The following NRG3 variants were observed in gnomAD, a reference collection of about 807,000 sequenced individuals.
NRG3 encodes neuregulin 3, also known as pro-neuregulin-3, membrane-bound isoform.
A neutral mutation model predicts 66.9 loss-of-function variants in NRG3; 31 were observed. The observed-to-expected ratio is 0.46, with a 90% CI of 0.35 to 0.63. The LOEUF (loss-of-function observed/expected upper bound fraction) is 0.63. Among genes scored for constraint, NRG3 ranks in the 20% least tolerant of loss-of-function variants. NRG3 has a pLI of 0.00. For missense variants in NRG3, 910 were observed against 878.9 expected (o/e 1.04, Z -0.45); for synonymous variants, 393 against 359.4 (o/e 1.09, Z -1.06).
intron 1 of NRG3, among the ~76,000 whole-genome samples, chr10:82,032,104 TG>T (rs1443032716): frequency 6.8e-6 from 1 of 146,100 alleles, no homozygotes; most frequent in Non-Finnish European, 1.5e-5. Flanking sequence ...ACTTTTATCT[TG>T]TTTGATTCTT....
intron 2 of NRG3, among the ~76,000 whole-genome samples, chr10:82,376,173 GC>G (rs1285509833): frequency 6.6e-6 from 1 of 152,128 alleles, no homozygotes; most frequent in Non-Finnish European, 1.5e-5. Context: ...CGTGCGTCTG[GC>G]CTTATCTAGC....
intron 4 of NRG3, among the ~76,000 whole-genome samples, chr10:82,913,545 A>G (rs150602597): frequency 1.3e-5 from 2 of 152,274 alleles, no homozygotes; most frequent in Admixed American, 1.3e-4. Flanking sequence ...TTACTTTTGT[A>G]GATTAAATTT....
rs573905729 is a variant in NRG3 at position 82,149,045 on chromosome 10, C to G, written c.824-209694C>G. 1.5e-4 allele frequency among the ~76,000 whole-genome samples: 18 copies of G among 118,952 alleles called. No individual in the cohort carries two copies. In the South Asian group the frequency reaches 5.5e-3, roughly 36 times the overall value. 78.0% of individuals were successfully genotyped at this position (118,952 alleles called of 152,430 possible). ...AGACCTCACCCAAACAATTCACATT[C>G]CTGTTTTTTTGTTTTTGTTTTTGTT... On this transcript the variant is annotated intron_variant, in intron 1 of 8. Coordinates refer to ENST00000372141, the MANE Select transcript of NRG3 (RefSeq NM_001010848.4).
At chr10:81,927,111 G>A (rs1846879795) in intron 1 of NRG3, among the ~76,000 whole-genome samples, 1 of 152,152 alleles carries the variant, frequency 6.6e-6, no homozygotes, top group Non-Finnish European at 1.5e-5. Flanking sequence ...GAATTTTTGG[G>A]TCAATGGCAA....
At chr10:82,352,069 C>A (rs1377158745) in intron 1 of NRG3, among the ~76,000 whole-genome samples, 1 of 152,180 alleles carries the variant, frequency 6.6e-6, no homozygotes, top group Non-Finnish European at 1.5e-5. Flanking sequence ...AAAATCTCAT[C>A]TACAATAGTT....
intron 2 of NRG3, among the ~76,000 whole-genome samples, chr10:82,588,714 G>A (rs1478120626): frequency 6.6e-6 from 1 of 152,044 alleles, no homozygotes; most frequent in Non-Finnish European, 1.5e-5. Flanking sequence ...TGTTAGCCAG[G>A]ATGGTCTTGA....
chr10:82,860,232 C>G (rs951381887), intron 3 of NRG3, among the ~76,000 whole-genome samples: 2 of 152,158 alleles, frequency 1.3e-5, no homozygotes. Context: ...CCTTTGTCTG[C>G]CCCGCTACCT....
intron 5 of NRG3, among the ~76,000 whole-genome samples, chr10:82,954,209 C>G (rs1202281534): frequency 6.6e-6 from 1 of 151,838 alleles, no homozygotes; most frequent in African/African-American, 2.4e-5. Flanking sequence ...TAACAATAAC[C>G]AAATTACAAT....
At chr10:82,379,491 A>G (rs1454120505) in intron 2 of NRG3, among the ~76,000 whole-genome samples, 1 of 152,186 alleles carries the variant, frequency 6.6e-6, no homozygotes, top group Non-Finnish European at 1.5e-5. Flanking sequence ...GATAATCCAC[A>G]GTAAAATGGG....
chr10:82,372,878 G>A (rs528112034), intron 2 of NRG3, among the ~76,000 whole-genome samples: 31 of 152,306 alleles, frequency 2.0e-4, no homozygotes, highest in Non-Finnish European at 3.7e-4. Flanking sequence ...ACGGGCATGC[G>A]CCACCACACC....
chr10:81,980,251 A>C (rs2060284418), intron 1 of NRG3, among the ~76,000 whole-genome samples: 1 of 151,970 alleles, frequency 6.6e-6, no homozygotes, highest in African/African-American at 2.4e-5. Context: ...GTGGACTGGA[A>C]TTGGAACACT....
At chr10:82,337,903 T>C (rs1435185271) in intron 1 of NRG3, among the ~76,000 whole-genome samples, 1 of 152,210 alleles carries the variant, frequency 6.6e-6, no homozygotes, top group Admixed American at 6.5e-5. Context: ...ATTTTAATCA[T>C]ATTACATAAA....
intron 2 of NRG3, among the ~76,000 whole-genome samples, chr10:82,724,425 C>G (rs953106086): frequency 6.6e-6 from 1 of 152,154 alleles, no homozygotes; most frequent in Non-Finnish European, 1.5e-5. Context: ...CTGATCAAAG[C>G]TGCCCACTTC....
At chr10:81,919,617 T>C (rs1253649897) in intron 1 of NRG3, among the ~76,000 whole-genome samples, 1 of 152,158 alleles carries the variant, frequency 6.6e-6, no homozygotes, top group Non-Finnish European at 1.5e-5. Context: ...GGAATTCTTA[T>C]TAAGTATCAA....
At chr10:81,919,255 A>C (rs1018253416) in intron 1 of NRG3, among the ~76,000 whole-genome samples, 5 of 152,190 alleles carry the variant, frequency 3.3e-5, no homozygotes, top group African/African-American at 9.7e-5. Context: ...TTAGGATAGG[A>C]TATAAGAATA....
At chr10:81,914,115 C>G (rs553257914) in intron 1 of NRG3, among the ~76,000 whole-genome samples, 1 of 151,954 alleles carries the variant, frequency 6.6e-6, no homozygotes, top group Non-Finnish European at 1.5e-5. Flanking sequence ...TAATTATTGA[C>G]GTATTCCTGA....
At chr10:82,628,188 G>A (rs1393646117) in intron 2 of NRG3, among the ~76,000 whole-genome samples, 2 of 152,150 alleles carry the variant, frequency 1.3e-5, no homozygotes, top group Non-Finnish European at 2.9e-5. Flanking sequence ...GAATTTTAAA[G>A]ATAGTGATTG....
chr10:82,835,280 G>A (rs1465970184), intron 3 of NRG3, among the ~76,000 whole-genome samples: 1 of 152,136 alleles, frequency 6.6e-6, no homozygotes, highest in Non-Finnish European at 1.5e-5. Context: ...CAGGGCAGCT[G>A]GAGACAGGAA....
chr10:82,672,819 G>A (rs574151036), intron 2 of NRG3, among the ~76,000 whole-genome samples: 11 of 152,210 alleles, frequency 7.2e-5, no homozygotes, highest in South Asian at 2.1e-4. Flanking sequence ...GCACGATCTC[G>A]GCTTACTGCA....
Sources: allele counts gnomAD v4.1 joint callset (sites outside exome capture counted in the v4.1 genomes callset), GRCh38; gene constraint gnomAD v4.1.1; transcripts MANE v1.5; gene names NCBI Gene and HGNC (gene_info 2026-07-23, HGNC 2026-07-21).